SPAST: variants seen among roughly 807,000 people sequenced by gnomAD.
SPAST encodes spastin.
A neutral mutation model predicts 76.6 loss-of-function variants in SPAST; 30 were observed. That is an observed-to-expected ratio of 0.39 (90% CI 0.29 to 0.53). The LOEUF is 0.53. Among genes scored for constraint, SPAST ranks in the 20% least tolerant of loss-of-function variants. The probability of loss-of-function intolerance (pLI) is 0.68; values close to 1 mark genes in which losing one functional copy is unlikely to be tolerated. For synonymous variants in SPAST, 305 were observed against 281.0 expected (o/e 1.09, Z -0.86); for missense variants, 717 against 770.5 (o/e 0.93, Z 0.82).
In SPAST at chr2:32,156,608, AAATT is replaced by A. The variant is rs1305689765; in HGVS notation, c.*2115_*2118del. 4 of 152,150 alleles carry A rather than the reference AAATT, an allele frequency of 2.6e-5. No individual in the cohort carries two copies. Among genetic ancestry groups the A allele is most frequent in the Non-Finnish European group, 4.4e-5 (3 of 68,028 alleles). The allele number at this position is 152,150 out of a possible 1,614,324, so 9.4% of individuals were successfully genotyped here. On this transcript the variant is annotated 3_prime_UTR_variant, in exon 17 of 17. Transcript: ENST00000315285. The stretch of plus-strand genomic sequence containing the variant: ...ATGATGAAAAGAATTGAGAAGTTCT[AAATT>A]AAGACATTTCAGTTAAGCTCATAAA...
chr2:32,075,269 A>G (rs1676906081), intron 1 of SPAST, among the ~76,000 whole-genome samples: 1 of 150,232 alleles, frequency 6.7e-6, no homozygotes, highest in African/African-American at 2.4e-5. Context: ...AAAAATACAA[A>G]AACAAAATTA....
At chr2:32,065,598 A>G (rs139091554) in intron 1 of SPAST, among the ~76,000 whole-genome samples, 6 of 152,268 alleles carry the variant, frequency 3.9e-5, no homozygotes, top group East Asian at 1.9e-4. Context: ...AACTTTTACA[A>G]TTCTCCCCTT....
intron 16 of SPAST, among the ~76,000 whole-genome samples, chr2:32,147,930 C>CTT (rs71407420): frequency 0.33 from 38,855 of 116,252 alleles, 7,232 homozygotes; most frequent in East Asian, 0.59. Flanking sequence ...TGCGCCCGGC[C>CTT]TTTTTTTTTT....
chr2:32,109,310 T>C (rs1342820806), intron 4 of SPAST, among the ~76,000 whole-genome samples: 1 of 151,920 alleles, frequency 6.6e-6, no homozygotes, highest in Non-Finnish European at 1.5e-5. Flanking sequence ...GGTTTCACCA[T>C]GTTGGCCAGG....
At chr2:32,072,845 G>A (rs1033042016) in intron 1 of SPAST, among the ~76,000 whole-genome samples, 3 of 152,134 alleles carry the variant, frequency 2.0e-5, no homozygotes, top group African/African-American at 7.2e-5. Flanking sequence ...TTTCAGACTT[G>A]CTTTCTTTGG....
At chr2:32,065,647 C>G (rs1309645618) in intron 1 of SPAST, among the ~76,000 whole-genome samples, 1 of 152,210 alleles carries the variant, frequency 6.6e-6, no homozygotes, top group Non-Finnish European at 1.5e-5. Context: ...TTGCTTCTCC[C>G]TCTGCCAAAA....
chr2:32,066,651 G>C (rs1475058653), intron 1 of SPAST, among the ~76,000 whole-genome samples: 1 of 151,668 alleles, frequency 6.6e-6, no homozygotes, highest in Non-Finnish European at 1.5e-5. Flanking sequence ...CTGGGCGGCA[G>C]AGCAAGACTC....
At chr2:32,070,012 A>G (rs530227749) in intron 1 of SPAST, among the ~76,000 whole-genome samples, 103 of 151,560 alleles carry the variant, frequency 6.8e-4, no homozygotes, top group African/African-American at 2.4e-3. Context: ...TGTGTTTTAT[A>G]TGGTGACTAT....
At chr2:32,090,366 A>G (rs1427301527) in intron 3 of SPAST, among the ~76,000 whole-genome samples, 1 of 152,068 alleles carries the variant, frequency 6.6e-6, no homozygotes, top group Non-Finnish European at 1.5e-5. Context: ...TTGACATCCC[A>G]CTTCACTGTC....
chr2:32,096,186 G>C (rs559749455), intron 3 of SPAST, among the ~76,000 whole-genome samples: 1 of 152,324 alleles, frequency 6.6e-6, no homozygotes, highest in African/African-American at 2.4e-5. Flanking sequence ...TGTAATCCCA[G>C]TACTTTGGGA....
At chr2:32,147,866 C>T (rs908758764) in intron 16 of SPAST, among the ~76,000 whole-genome samples, 2 of 147,678 alleles carry the variant, frequency 1.4e-5, no homozygotes, top group Non-Finnish European at 3.0e-5. Flanking sequence ...CTCCTGATCT[C>T]GTGATCTGCC....
chr2:32,082,526 G>A (rs186209296), intron 1 of SPAST, among the ~76,000 whole-genome samples: 1,997 of 151,914 alleles, frequency 0.013, 98 homozygotes, highest in Admixed American at 0.094. Context: ...GAGAAACTCC[G>A]TCTCTACTAA....
At chr2:32,068,118 A>G (rs1360574868) in intron 1 of SPAST, among the ~76,000 whole-genome samples, 1 of 150,628 alleles carries the variant, frequency 6.6e-6, no homozygotes, top group Non-Finnish European at 1.5e-5. Context: ...AGCTGGGACT[A>G]CAGGCGCCCG....
intron 4 of SPAST, among the ~76,000 whole-genome samples, chr2:32,105,973 T>C (rs1208586770): frequency 6.6e-6 from 1 of 152,196 alleles, no homozygotes; most frequent in Non-Finnish European, 1.5e-5. Flanking sequence ...GGAGAACTAC[T>C]ACTCTCTTTA....
At position 32,157,277 on chromosome 2, in the gene SPAST, T is replaced by A. The variant is rs1024237342; in HGVS notation, c.*2781T>A. 5.2e-5 allele frequency: 8 copies of A among 152,734 alleles called. No individual in the cohort carries two copies. The highest frequency in any genetic ancestry group is 3.4e-3 in the Middle Eastern group (1 of 294). The allele number at this position is 152,734 out of a possible 1,614,324, so 9.5% of individuals were successfully genotyped here. On this transcript the variant is annotated 3_prime_UTR_variant, in exon 17 of 17. Transcript: ENST00000315285. The stretch of plus-strand genomic sequence containing the variant: ...ACTATCTTTCCAGATATCTTAAGGG[T>A]AAAAGCTTATTCTAAGACAGTCTGT...
chr2:32,135,669 T>C (rs1392249543), intron 9 of SPAST, among the ~76,000 whole-genome samples: 1 of 151,884 alleles, frequency 6.6e-6, no homozygotes, highest in Non-Finnish European at 1.5e-5. Flanking sequence ...TTGATATTTA[T>C]TGGCTGGGCG....
intron 15 of SPAST, among the ~76,000 whole-genome samples, chr2:32,146,880 A>AT (rs1679904838): frequency 6.8e-6 from 1 of 146,022 alleles, no homozygotes; most frequent in Admixed American, 6.9e-5. Flanking sequence ...AAAAAAAAAA[A>AT]GTAAATACAT....
At chr2:32,080,643 T>C (rs2148702682) in intron 1 of SPAST, among the ~76,000 whole-genome samples, 1 of 152,188 alleles carries the variant, frequency 6.6e-6, no homozygotes, top group South Asian at 2.1e-4. Context: ...CTGGAGACCA[T>C]TGGAAGATTG....
intron 4 of SPAST, among the ~76,000 whole-genome samples, chr2:32,109,466 T>C (rs1254041997): frequency 6.6e-6 from 1 of 152,060 alleles, no homozygotes; most frequent in Admixed American, 6.6e-5. Context: ...TCTGTTTCTT[T>C]CCTCTCACGT....
Sources: allele counts gnomAD v4.1 joint callset (sites outside exome capture counted in the v4.1 genomes callset), GRCh38; gene constraint gnomAD v4.1.1; transcripts MANE v1.5; gene names NCBI Gene and HGNC (gene_info 2026-07-23, HGNC 2026-07-21).